Variants in DST observed in about 807,000 individuals in gnomAD.
The protein encoded by DST is bullous pemphigoid antigen.
In DST, 253 loss-of-function variants were observed where a neutral mutation model predicts 875.2. The observed-to-expected ratio is 0.29, with a 90% CI of 0.26 to 0.32. DST has a LOEUF of 0.32. DST is among the 10% of genes least tolerant of loss of function. DST has a pLI of 1.00. For missense variants in DST, 8,287 were observed against 9,111.6 expected, an observed-to-expected ratio of 0.91 and a Z score of 3.68; for synonymous variants, 3,124 against 3,197.1, an observed-to-expected ratio of 0.98 and a Z score of 0.77.
chr6:56,885,853 C>A (rs1348021971), intron 3 of DST, among the ~76,000 whole-genome samples: 1 of 152,190 alleles, frequency 6.6e-6, no homozygotes, highest in Non-Finnish European at 1.5e-5. Flanking sequence ...TCTCTTATAG[C>A]AACACAGATG....
At chr6:56,693,160 G>C in intron 9 of DST, 1 of 1,275,204 alleles carries the variant, frequency 7.8e-7, no homozygotes, top group Non-Finnish European at 1.0e-6. Context: ...TTGATTTGTA[G>C]GAGATCACAG....
chr6:56,674,941 C>T (rs2099121078), intron 9 of DST, among the ~76,000 whole-genome samples: 1 of 152,068 alleles, frequency 6.6e-6, no homozygotes. Context: ...CACAAAAGAC[C>T]CCAAATAGTC....
rs188107567 is a variant in DST at position 56,918,941 on chromosome 6, A to T, written c.217-18320T>A. 9.1e-3 allele frequency among the ~76,000 whole-genome samples: 1,388 copies of T among 151,876 alleles called. 24 individuals are homozygous for T. Among genetic ancestry groups the T allele is most frequent in the African/African-American group, 0.032 (1,318 of 41,392 alleles). On this transcript the variant is annotated intron_variant, in intron 2 of 103. Transcript: ENST00000680361. ...AAATCTTTGTATATTTTTATAAGCCATTTTTTTCTCTGAATTGTCTGAATT... is the reference window on the plus strand; with the variant it reads ...AAATCTTTGTATATTTTTATAAGCCTTTTTTTTCTCTGAATTGTCTGAATT...
At chr6:56,592,722 A>T (rs1226767750) in intron 48 of DST, among the ~76,000 whole-genome samples, 1 of 152,180 alleles carries the variant, frequency 6.6e-6, no homozygotes, top group Non-Finnish European at 1.5e-5. Context: ...GTGCTTAATA[A>T]ATTTCTATAT....
chr6:56,579,653 C>T lies in DST; in HGVS notation c.12904-716G>A, dbSNP rs184528157. On this transcript the variant is annotated intron_variant, in intron 49 of 103. Transcript: ENST00000680361. The stretch of plus-strand genomic sequence containing the variant: ...AAGTGTGGATTTGGGAGAACCACTC[C>T]CTGCAGAACAAACAGAAGACACAAA... 3.4e-3 allele frequency among the ~76,000 whole-genome samples: 514 copies of T among 152,062 alleles called. 1 individual carries two copies. The highest frequency in any genetic ancestry group is 4.9e-3 in the Non-Finnish European group (330 of 67,996).
intron 4 of DST, among the ~76,000 whole-genome samples, chr6:56,751,904 C>T (rs981612548): frequency 1.3e-5 from 2 of 152,066 alleles, no homozygotes. Context: ...TCACCTGACA[C>T]CTGACTAGAA....
chr6:56,625,529 C>T (rs558059768), intron 34 of DST, among the ~76,000 whole-genome samples: 18 of 152,186 alleles, frequency 1.2e-4, no homozygotes, highest in Admixed American at 2.0e-4. Context: ...AAATACCTAT[C>T]GCCTAGTGAT....
intron 2 of DST, among the ~76,000 whole-genome samples, chr6:56,953,509 C>T (rs1203295098): frequency 3.9e-5 from 6 of 152,222 alleles, no homozygotes; most frequent in African/African-American, 1.4e-4. Context: ...ACTCAAGTGA[C>T]ATCCACCCTG....
At chr6:56,706,185 G>A (rs562944984) in intron 5 of DST, among the ~76,000 whole-genome samples, 13 of 152,086 alleles carry the variant, frequency 8.5e-5, no homozygotes, top group South Asian at 2.1e-4. Flanking sequence ...ATGGTGGCAG[G>A]TGCCTGTAAT....
chr6:56,918,732 G>A (rs1802589256), intron 2 of DST, among the ~76,000 whole-genome samples: 1 of 151,946 alleles, frequency 6.6e-6, no homozygotes, highest in Non-Finnish European at 1.5e-5. Context: ...TATATCTGTT[G>A]CCTATGTGAT....
intron 1 of DST, 148 bp from the exon 2 acceptor site, chr6:56,953,967 A>C (rs1254428998): frequency 9.6e-6 from 4 of 415,080 alleles, no homozygotes; most frequent in South Asian, 2.0e-5. Flanking sequence ...AGGGAGGAGG[A>C]GTCCTGGGGC....
At chr6:56,852,170 T>C (rs1240936211) in intron 3 of DST, 4 of 710,634 alleles carry the variant, frequency 5.6e-6, no homozygotes, top group African/African-American at 1.9e-5. Context: ...TTCATGAGAC[T>C]GAAGCAGGTT....
At chr6:56,511,436 G>A in intron 72 of DST, 36 bp from the exon 73 acceptor site, 1 of 1,540,048 alleles carries the variant, frequency 6.5e-7, no homozygotes, top group South Asian at 1.2e-5. Flanking sequence ...GTATCTCAGG[G>A]TCACACCTCC....
chr6:56,580,725 CTTTT>C (rs1167715487), intron 49 of DST, among the ~76,000 whole-genome samples: 4 of 121,020 alleles, frequency 3.3e-5, no homozygotes, highest in Non-Finnish European at 3.4e-5. Flanking sequence ...TTTACTTTTT[CTTTT>C]TTTTTTTTTT....
chr6:56,647,709 G>A (rs562993648), intron 13 of DST, among the ~76,000 whole-genome samples: 9 of 144,886 alleles, frequency 6.2e-5, no homozygotes, highest in East Asian at 2.0e-4. Context: ...TTTTTGAGAC[G>A]GAGTCTTGCT....
At chr6:56,536,630 C>T (rs1271243347) in intron 62 of DST, 149 bp downstream of exon 62, 7 of 706,482 alleles carry the variant, frequency 9.9e-6, no homozygotes, top group Non-Finnish European at 1.5e-5. Context: ...CTCCAGTAGG[C>T]ATCTGAGTTT....
At chr6:56,711,497 T>TC (rs949679597) in intron 5 of DST, among the ~76,000 whole-genome samples, 3 of 152,176 alleles carry the variant, frequency 2.0e-5, no homozygotes, top group Non-Finnish European at 4.4e-5. Flanking sequence ...GCTCACATTT[T>TC]CCCCTGAACC....
intron 61 of DST, among the ~76,000 whole-genome samples, chr6:56,544,480 A>T (rs1020223620): frequency 3.9e-5 from 6 of 152,232 alleles, no homozygotes; most frequent in Non-Finnish European, 5.9e-5. Flanking sequence ...GTACATTTTT[A>T]AAACTGCACA....
chr6:56,916,753 A>ATCTCTCTCTCTCTCTC lies in DST; in HGVS notation c.217-16148_217-16133dup, dbSNP rs70989741. On this transcript the variant is annotated intron_variant, in intron 2 of 103. Transcript: ENST00000680361. ...GAGACAAGATCTTCTCTCTCTCTCTATCTCTCTCTCTCTCTCTCTCTCTCT... is the reference window on the plus strand; with the variant it reads ...GAGACAAGATCTTCTCTCTCTCTCTATCTCTCTCTCTCTCTCTCTCTCTCTCTCTCTCTCTCTCTCT... Among the ~76,000 whole-genome samples, 14 of 95,408 alleles carry ATCTCTCTCTCTCTCTC rather than the reference A, an allele frequency of 1.5e-4. 1 individual carries two copies. Among genetic ancestry groups the ATCTCTCTCTCTCTCTC allele is most frequent in the African/African-American group, 4.7e-4 (10 of 21,454 alleles). The allele number at this position is 95,408 out of a possible 152,430, so 62.6% of individuals were successfully genotyped here. A position where few individuals can be genotyped will look rare whatever the true frequency, so the allele number is the denominator to read the frequency against.
Sources: allele counts gnomAD v4.1 joint callset (sites outside exome capture counted in the v4.1 genomes callset), GRCh38; gene constraint gnomAD v4.1.1; transcripts MANE v1.5; gene names NCBI Gene and HGNC (gene_info 2026-07-23, HGNC 2026-07-21).